The following ZNF518B variants were observed in gnomAD, a reference collection of about 807,000 sequenced individuals.
The protein encoded by ZNF518B is zinc finger protein 518B.
A neutral mutation model predicts 56.3 loss-of-function variants in ZNF518B; 23 were observed. The observed-to-expected ratio is 0.41, with a 90% CI of 0.29 to 0.58. The LOEUF (loss-of-function observed/expected upper bound fraction) is 0.58. Among genes scored for constraint, ZNF518B ranks in the 20% least tolerant of loss-of-function variants. The pLI, the probability that ZNF518B is intolerant of heterozygous loss-of-function variation, is 0.32. For missense variants in ZNF518B, 1,460 were observed against 1,272.1 expected (o/e 1.15, Z -2.25); for synonymous variants, 529 against 465.9 (o/e 1.14, Z -1.74).
At chr4:10,450,360 A>G (rs1387379222) in intron 2 of ZNF518B, among the ~76,000 whole-genome samples, 2 of 152,228 alleles carry the variant, frequency 1.3e-5, no homozygotes, top group East Asian at 3.8e-4. Context: ...GTGCAAGTGA[A>G]AAAGATGTGA....
In ZNF518B at chr4:10,443,571, C is replaced by G; in HGVS notation, c.2758G>C (p.Ala920Pro). 1.9e-6 allele frequency: 3 copies of G among 1,614,162 alleles called. No individual in the cohort carries two copies. Among genetic ancestry groups the G allele is most frequent in the Non-Finnish European group, 2.5e-6 (3 of 1,180,028 alleles). ...CLKDPSIFQVARQLRLIAAKP... is the reference protein window; with the variant it reads ...CLKDPSIFQVPRQLRLIAAKP... ...GCTGCTATCAGTCTTAGTTGCCTTG[C>G]AACCTGAAAAATTGAAGGATCCTTG... Residue 920 changes from alanine (A) to proline (P), a missense_variant, in exon 3 of 3, where the codon GCA becomes CCA. By Grantham distance (27) the Ala-to-Pro change is conservative. Coordinates refer to ENST00000326756, the MANE Select transcript of ZNF518B (RefSeq NM_053042.3).
chr4:10,456,907 C>T (rs1341126139), intron 1 of ZNF518B, among the ~76,000 whole-genome samples: 1 of 151,670 alleles, frequency 6.6e-6, no homozygotes, highest in Admixed American at 6.6e-5. Context: ...GGGCCAGCGG[C>T]GCCACACGAA....
Position 10,444,199 on chromosome 4 carries a change from G to C in ZNF518B, c.2130C>G (p.Ile710Met). The C allele has an allele frequency of 6.2e-7, 1 of 1,614,198 alleles. No homozygotes were observed. The highest frequency in any genetic ancestry group is 8.5e-7 in the Non-Finnish European group (1 of 1,180,030). ...GGCCAAGACCAGTGAGTGACACGTT[G>C]ATTTCTTGAATACCTTCAGAGGTAG... The part of the protein sequence containing the change: ...SKATSEGIQE[I>M]NVSLTGLGHS... The change falls in exon 3 of 3, where the codon ATC becomes ATG. Residue 710 changes from isoleucine to methionine, a missense_variant. Coordinates refer to ENST00000326756, the MANE Select transcript of ZNF518B (RefSeq NM_053042.3).
At chr4:10,451,278 C>T (rs569502708) in intron 2 of ZNF518B, 12 of 152,234 alleles carry the variant, frequency 7.9e-5, no homozygotes, top group East Asian at 3.9e-4. Flanking sequence ...CTATTAAAAA[C>T]GAAGCATTTG....
chr4:10,444,071 T>C lies in ZNF518B; in HGVS notation c.2258A>G (p.Asn753Ser). The C allele has an allele frequency of 6.2e-7, 1 of 1,614,222 alleles. No homozygotes were observed. The highest frequency in any genetic ancestry group is 8.5e-7 in the Non-Finnish European group (1 of 1,180,040). Residue 753 changes from asparagine to serine, a missense_variant, in exon 3 of 3, where the codon AAT (asparagine) becomes AGT (serine). Physicochemically the swap from Asn to Ser is conservative, Grantham distance 46 (BLOSUM62 1). Transcript: ENST00000326756. ...GGCCACTCTGCTTTTGGTTTTCCTA[T>C]TACTGCCATCTGCAAAGTGTGGATA... ...QIYPHFADGS[N>S]RKTKSRVARK...
Position 10,443,127 on chromosome 4 carries a change from C to T in ZNF518B, c.3202G>A (p.Val1068Ile). 1.9e-6 allele frequency: 3 copies of T among 1,613,046 alleles called. No individual in the cohort carries two copies. The highest frequency in any genetic ancestry group is 1.7e-6 in the Non-Finnish European group (2 of 1,179,566). The change falls in exon 3 of 3, where the codon GTT (valine) becomes ATT (isoleucine). Residue 1068 changes from valine to isoleucine, a missense_variant. Transcript: ENST00000326756. The stretch of plus-strand genomic sequence containing the variant: ...ACTTATTTGCCCTTGGAGGAAAGAA[C>T]ATCCCAATCTCTAGTTGCTTCTATC... ...HLIEATRDWD[V>I]LSSKGK
chr4:10,452,389 CTTCT>C (rs1360557955), intron 2 of ZNF518B: 1 of 152,082 alleles, frequency 6.6e-6, no homozygotes, highest in Non-Finnish European at 1.5e-5. Context: ...ATCTATATTC[CTTCT>C]GTCTCTTTCA....
upstream of ZNF518B, among the ~76,000 whole-genome samples, chr4:10,460,931 T>G (rs1040368675): frequency 1.3e-5 from 2 of 152,224 alleles, no homozygotes; most frequent in African/African-American, 4.8e-5. Context: ...AAGTGGCTTT[T>G]TTTTCTTCTA....
At chr4:10,456,752 G>A (rs1361232061) in intron 1 of ZNF518B, among the ~76,000 whole-genome samples, 2 of 152,204 alleles carry the variant, frequency 1.3e-5, no homozygotes, top group Admixed American at 6.5e-5. Flanking sequence ...TCCAACCGAA[G>A]AAAACCAAAA....
chr4:10,444,465 C>T lies in ZNF518B; in HGVS notation c.1864G>A (p.Glu622Lys), dbSNP rs1233598190. ...CCATCATTAGTGTTGTTAGTCCTTT[C>T]AGAATTCTTTAATTCCAAAGGCTTA... Reference protein sequence around the residue: ...GDKPLELKNSERTNNTNDGPV... With the variant: ...GDKPLELKNSKRTNNTNDGPV... Residue 622 changes from glutamate to lysine, a missense_variant, in exon 3 of 3, where the codon GAA becomes AAA. Physicochemically the swap from Glu to Lys is moderately conservative, Grantham distance 56 (BLOSUM62 1). Transcript: ENST00000326756. 1.2e-6 allele frequency: 2 copies of T among 1,614,026 alleles called. No individual in the cohort carries two copies. The highest frequency in any genetic ancestry group is 1.3e-5 in the African/African-American group (1 of 74,908).
chr4:10,442,955 A>G lies in ZNF518B; in HGVS notation c.*149T>C, dbSNP rs1049087506. On this transcript the variant is annotated 3_prime_UTR_variant, in exon 3 of 3. Coordinates refer to ENST00000326756, the MANE Select transcript of ZNF518B (RefSeq NM_053042.3). ...GGGTCCAATCACATACTTCAGGTTCAGACTCCTAGCTCCCAATATTCCTAC... is the reference window on the plus strand; with the variant it reads ...GGGTCCAATCACATACTTCAGGTTCGGACTCCTAGCTCCCAATATTCCTAC... 1 of 703,628 alleles carries G rather than the reference A, an allele frequency of 1.4e-6. No homozygotes were observed. The highest frequency in any genetic ancestry group is 2.3e-6 in the Non-Finnish European group (1 of 440,210). The allele number at this position is 703,628 out of a possible 1,614,324, so 43.6% of individuals were successfully genotyped here. A position where few individuals can be genotyped will look rare whatever the true frequency, so the allele number is the denominator to read the frequency against.
At position 10,446,279 on chromosome 4, in the gene ZNF518B, T is replaced by C. The variant is rs1375078643; in HGVS notation, c.50A>G (p.His17Arg). 6 of 1,614,258 alleles carry C rather than the reference T, an allele frequency of 3.7e-6. No homozygotes were observed. Among genetic ancestry groups the C allele is most frequent in the Admixed American group, 3.3e-5 (2 of 60,030 alleles). ...TTTGGGTGACATGGTCAAGGAATTA[T>C]GTCCGCCGTTCAAGTGTGTAGTGTA... ...QLYTTHLNGG[H>R]NSLTMSPKQP... Residue 17 changes from histidine to arginine, a missense_variant, in exon 3 of 3, where the codon CAT becomes CGT. His to Arg is a conservative substitution (Grantham distance 29). Transcript: ENST00000326756.
rs777153664 is a variant in ZNF518B, at chr4:10,443,346, G to T, written c.2983C>A (p.Gln995Lys). 1.2e-6 allele frequency: 2 copies of T among 1,614,046 alleles called. No individual in the cohort carries two copies. Among genetic ancestry groups the T allele is most frequent in the African/African-American group, 2.7e-5 (2 of 74,914 alleles). ...IRRHHVRLTY[Q>K]NAEEASQIKR... is the part of the protein sequence containing the mutation. ...ATTTGACTGGCTTCTTCCGCATTCT[G>T]GTAGGTCAGGCGTACATGATGCCGT... The change falls in exon 3 of 3, where the codon CAG becomes AAG. Residue 995 changes from glutamine (Q) to lysine (K), a missense_variant. By Grantham distance (53) the Gln-to-Lys change is moderately conservative (BLOSUM62 1). Transcript: ENST00000326756.
chr4:10,444,249 G>C lies in ZNF518B; in HGVS notation c.2080C>G (p.Gln694Glu). Residue 694 changes from glutamine (Q) to glutamate (E), a missense_variant, in exon 3 of 3, where the codon CAG becomes GAG. By Grantham distance (29) the Gln-to-Glu change is conservative. Transcript: ENST00000326756. ...SNSAHRRSVG[Q>E]ASKGTSKATS... ...GCTTTTGAAGTTCCCTTTGATGCCT[G>C]CCCTACAGAGCGACGATGTGCACTA... 6.2e-7 allele frequency: 1 copy of C among 1,614,168 alleles called. No homozygotes were observed. Among genetic ancestry groups the C allele is most frequent in the South Asian group, 1.1e-5 (1 of 91,082 alleles).
rs757735673 is a variant in ZNF518B at position 10,444,734 on chromosome 4, G to A, written c.1595C>T (p.Ala532Val). ...AGAGAAGGAACAGGTTGCAGGTGAT[G>A]CAGCAAATGGGAGTAACTGCTGTGA... The part of the protein sequence containing the change: ...SSSQQLLPFA[A>V]SPATCSFSGE... The change falls in exon 3 of 3, where the codon GCA becomes GTA. Residue 532 changes from alanine (A) to valine (V), a missense_variant. Transcript: ENST00000326756. 6.1e-5 allele frequency: 99 copies of A among 1,613,982 alleles called. No homozygotes were observed. Among genetic ancestry groups the A allele is most frequent in the Non-Finnish European group, 8.1e-5 (95 of 1,179,966 alleles).
Position 10,445,697 on chromosome 4 carries a change from CTCT to C in ZNF518B, c.629_631del (p.Lys210del). 6.2e-7 allele frequency: 1 copy of C among 1,614,152 alleles called. No individual in the cohort carries two copies. Among genetic ancestry groups the C allele is most frequent in the Non-Finnish European group, 8.5e-7 (1 of 1,180,034 alleles). On this transcript the variant is annotated inframe_deletion, in exon 3 of 3. Transcript: ENST00000326756. Reference sequence around the variant, plus strand: ...TTTCGCACCTGCCCTTTCATGTACTCTCTTCGTGTGTTTGACAATATAATCATT... The same window carrying C: ...TTTCGCACCTGCCCTTTCATGTACTCTCGTGTGTTTGACAATATAATCATT...
chr4:10,451,091 G>T (rs1442822075), intron 2 of ZNF518B: 1 of 152,188 alleles, frequency 6.6e-6, no homozygotes, highest in Non-Finnish European at 1.5e-5. Context: ...GAAAGACCTG[G>T]AAATAGCCCT....
Position 10,444,895 on chromosome 4 carries a change from G to C in ZNF518B, c.1434C>G (p.Ser478=). Residue 478 remains serine (S), a synonymous_variant, in exon 3 of 3, where the codon TCC becomes TCG. Transcript: ENST00000326756. ...CTAGAGAATGACCTTTTAAGGCAACGGAAGGAAAAGCAGTTCTATGTGGAT... is the reference window on the plus strand; with the variant it reads ...CTAGAGAATGACCTTTTAAGGCAACCGAAGGAAAAGCAGTTCTATGTGGAT... The part of the protein sequence containing the change: ...NLYPHRTAFP[S]VALKGHSLAS... 2 of 1,612,344 alleles carry C rather than the reference G, an allele frequency of 1.2e-6. No homozygotes were observed. The highest frequency in any genetic ancestry group is 1.7e-6 in the Non-Finnish European group (2 of 1,179,440).
upstream of ZNF518B, among the ~76,000 whole-genome samples, chr4:10,457,811 C>T (rs1209475178): frequency 6.6e-6 from 1 of 152,216 alleles, no homozygotes; most frequent in Non-Finnish European, 1.5e-5. Context: ...CCTCCAAACT[C>T]GTCTTCTTGG....
Sources: gnomAD v4.1 joint callset for allele counts (sites outside exome capture counted in the v4.1 genomes callset) on GRCh38, gnomAD v4.1.1 for gene constraint, MANE v1.5 for transcripts, NCBI Gene and HGNC (gene_info 2026-07-23, HGNC 2026-07-21) for gene names.